Variants in PTPRG observed in about 807,000 individuals in gnomAD.
The protein encoded by PTPRG is receptor-type tyrosine-protein phosphatase gamma.
PTPRG carries 102 observed loss-of-function variants against 165.3 expected under a neutral mutation model. The observed-to-expected ratio is 0.62, with a 90% CI of 0.53 to 0.73. PTPRG has a LOEUF of 0.73. Among genes scored for constraint, PTPRG ranks in the 30% least tolerant of loss-of-function variants. The pLI is 0.00. For synonymous variants in PTPRG, 675 were observed against 669.5 expected (o/e 1.01, Z -0.13); for missense variants, 1,866 against 1,861.4 (o/e 1.00, Z -0.05).
chr3:61,772,784 T>C (rs1383653542), intron 2 of PTPRG, among the ~76,000 whole-genome samples: 2 of 152,236 alleles, frequency 1.3e-5, no homozygotes, highest in Non-Finnish European at 2.9e-5. Flanking sequence ...AGCACTGCAG[T>C]ATCTATCCTC....
chr3:62,290,167 C>CAAAG (rs1315034276), intron 28 of PTPRG, among the ~76,000 whole-genome samples: 1 of 151,840 alleles, frequency 6.6e-6, no homozygotes, highest in Non-Finnish European at 1.5e-5. Context: ...ATGGAATTGG[C>CAAAG]AAAGACTATA....
chr3:61,577,927 G>C (rs1201607039), intron 1 of PTPRG, among the ~76,000 whole-genome samples: 3 of 152,188 alleles, frequency 2.0e-5, no homozygotes, highest in Non-Finnish European at 4.4e-5. Context: ...ATTTAGCTTT[G>C]TGTGCCTGTT....
chr3:62,011,768 T>C (rs1194619834), intron 4 of PTPRG, among the ~76,000 whole-genome samples: 1 of 152,122 alleles, frequency 6.6e-6, no homozygotes, highest in African/African-American at 2.4e-5. Context: ...GCGTGCAAGT[T>C]TTGTGAGGTA....
At chr3:61,866,582 C>CT (rs532356516) in intron 2 of PTPRG, among the ~76,000 whole-genome samples, 2,110 of 69,032 alleles carry the variant, frequency 0.031, 715 homozygotes, top group Non-Finnish European at 0.045. Context: ...ACTGTTTGCT[C>CT]TTTTTTTTTT....
At chr3:61,914,246 C>T (rs78896108) in intron 2 of PTPRG, among the ~76,000 whole-genome samples, 1,809 of 152,240 alleles carry the variant, frequency 0.012, 42 homozygotes, top group African/African-American at 0.042. Context: ...TTGACTTAAG[C>T]GTTTCTTTTT....
intron 2 of PTPRG, among the ~76,000 whole-genome samples, chr3:61,980,573 T>G (rs2040617020): frequency 6.6e-6 from 1 of 152,220 alleles, no homozygotes. Context: ...TCTTTATAAT[T>G]TGACATTTTC....
At chr3:62,291,424 A>C (rs1702895091) in intron 28 of PTPRG, among the ~76,000 whole-genome samples, 1 of 152,136 alleles carries the variant, frequency 6.6e-6, no homozygotes, top group Admixed American at 6.6e-5. Context: ...TGCATGTAGC[A>C]GATGAAATAA....
intron 4 of PTPRG, among the ~76,000 whole-genome samples, chr3:62,022,878 T>A (rs577946809): frequency 6.6e-6 from 1 of 152,186 alleles, no homozygotes; most frequent in Non-Finnish European, 1.5e-5. Flanking sequence ...AAATAAAAAT[T>A]GGTAATTGAT....
chr3:62,072,609 A>ATGTGTGTGTGTG (rs1174208882), intron 4 of PTPRG, among the ~76,000 whole-genome samples: 78 of 141,240 alleles, frequency 5.5e-4, no homozygotes, highest in African/African-American at 2.2e-3. Context: ...GAGAATATAT[A>ATGTGTGTGTGTG]TGTGTATGTG....
At chr3:62,007,911 A>G (rs1415533298) in intron 4 of PTPRG, among the ~76,000 whole-genome samples, 1 of 152,218 alleles carries the variant, frequency 6.6e-6, no homozygotes, top group African/African-American at 2.4e-5. Flanking sequence ...CTTCTTCCAA[A>G]TGTCTGCTGT....
intron 1 of PTPRG, among the ~76,000 whole-genome samples, chr3:61,687,532 G>A (rs536650300): frequency 6.6e-6 from 1 of 152,302 alleles, no homozygotes; most frequent in South Asian, 2.1e-4. Context: ...GAAGTTTCCA[G>A]TTGATATTTT....
chr3:61,872,148 A>C (rs935424435), intron 2 of PTPRG, among the ~76,000 whole-genome samples: 3 of 152,204 alleles, frequency 2.0e-5, no homozygotes, highest in African/African-American at 7.2e-5. Flanking sequence ...TTTCCTGTTG[A>C]AAGTAACGTG....
intron 2 of PTPRG, among the ~76,000 whole-genome samples, chr3:61,967,977 C>T (rs751258606): frequency 6.6e-6 from 1 of 151,956 alleles, no homozygotes; most frequent in Non-Finnish European, 1.5e-5. Flanking sequence ...AAATTTTGGT[C>T]CTCTGGCGGG....
At chr3:61,864,916 GA>G (rs2037364337) in intron 2 of PTPRG, among the ~76,000 whole-genome samples, 1 of 152,156 alleles carries the variant, frequency 6.6e-6, no homozygotes. Context: ...GCTCTGTCAT[GA>G]TATTTCAATG....
intron 5 of PTPRG, among the ~76,000 whole-genome samples, chr3:62,105,845 C>T (rs1273765373): frequency 6.6e-6 from 1 of 152,178 alleles, no homozygotes; most frequent in African/African-American, 2.4e-5. Flanking sequence ...GGTGTCTTCT[C>T]AAGGTCATTA....
rs572915322 is a variant in PTPRG at position 62,228,634 on chromosome 3, G to A, written c.2289-2591G>A. On this transcript the variant is annotated intron_variant, in intron 13 of 29. Coordinates refer to ENST00000474889, the MANE Select transcript of PTPRG (RefSeq NM_002841.4). The surrounding 1 kb of genome is among the most constrained non-coding windows in gnomAD (Gnocchi z 4.1). The stretch of plus-strand genomic sequence containing the variant: ...CATGGCACATTCATTATTTCTTAGG[G>A]CAAACTCTGCCAAACTGCCCTTCCT... Among the ~76,000 whole-genome samples, 1 of 152,260 alleles carries A rather than the reference G, an allele frequency of 6.6e-6. No homozygotes were observed. The highest frequency in any genetic ancestry group is 6.5e-5 in the Admixed American group (1 of 15,306).
intron 1 of PTPRG, among the ~76,000 whole-genome samples, chr3:61,604,671 G>C (rs1251714836): frequency 6.6e-6 from 1 of 152,180 alleles, no homozygotes; most frequent in East Asian, 1.9e-4. Flanking sequence ...TAGCATACTT[G>C]GTAGTTGAAC....
chr3:62,175,352 G>A (rs576072186), intron 8 of PTPRG, among the ~76,000 whole-genome samples: 26 of 152,284 alleles, frequency 1.7e-4, no homozygotes, highest in Admixed American at 2.6e-4. Context: ...GCCGTGGCAC[G>A]CGCCAGTAGT....
At chr3:61,565,402 C>T (rs1699886150) in intron 1 of PTPRG, among the ~76,000 whole-genome samples, 1 of 152,062 alleles carries the variant, frequency 6.6e-6, no homozygotes, top group Non-Finnish European at 1.5e-5. Context: ...AATGGATCCC[C>T]CACCCAACTT....
Sources: gnomAD v4.1 joint callset for allele counts (sites outside exome capture counted in the v4.1 genomes callset) on GRCh38, gnomAD v4.1.1 for gene constraint, Gnocchi (gnomAD v3.1) non-coding constraint, MANE v1.5 for transcripts, NCBI Gene and HGNC (gene_info 2026-07-23, HGNC 2026-07-21) for gene names.